Variants in IQGAP3 observed in about 807,000 individuals in gnomAD.
IQGAP3 encodes ras GTPase-activating-like protein IQGAP3.
A neutral mutation model predicts 208.2 loss-of-function variants in IQGAP3; 165 were observed. The observed-to-expected ratio is 0.79, with a 90% confidence interval of 0.70 to 0.90. The LOEUF (loss-of-function observed/expected upper bound fraction) is 0.90, where lower values mean the gene tolerates loss of function less well. Ranked by LOEUF, IQGAP3 falls within the 40% of genes least tolerant of loss-of-function variation. IQGAP3 has a pLI of 0.00. For synonymous variants in IQGAP3, 703 were observed against 803.6 expected (o/e 0.87, Z 2.12); for missense variants, 1,811 against 2,043.1 (o/e 0.89, Z 2.19).
At chr1:156,566,211 C>A (rs1276329345) in intron 3 of IQGAP3, 107 bp from the exon 4 acceptor site, 5 of 1,236,352 alleles carry the variant, frequency 4.0e-6, no homozygotes, top group Non-Finnish European at 5.9e-6. Context: ...CAGAGGGGAA[C>A]CAGAGGACCA....
intron 4 of IQGAP3, among the ~76,000 whole-genome samples, chr1:156,564,945 C>CA (rs1676334615): frequency 6.6e-6 from 1 of 152,154 alleles, no homozygotes; most frequent in Admixed American, 6.5e-5. Flanking sequence ...AACCAAACAC[C>CA]AGATAAGGCC....
chr1:156,539,618 A>G lies in IQGAP3; in HGVS notation c.2893-81T>C, dbSNP rs1674879701. The G allele has an allele frequency of 2.7e-6, 4 of 1,459,098 alleles. No homozygotes were observed. The Admixed American group carries it at 7.3e-5, about 27-fold the overall frequency. The allele number at this position is 1,459,098 out of a possible 1,614,324, so 90.4% of individuals were successfully genotyped here. A position where few individuals can be genotyped will look rare whatever the true frequency, so the allele number is the denominator to read the frequency against. Reference sequence around the variant, plus strand: ...TAGGATAAGGAAAGGCTTTCCCCTGATGGAAATCTGGAATGGAGAAAGCAC... The same window carrying G: ...TAGGATAAGGAAAGGCTTTCCCCTGGTGGAAATCTGGAATGGAGAAAGCAC... On this transcript the variant is annotated intron_variant, in intron 24 of 37. Coordinates refer to ENST00000361170, the MANE Select transcript of IQGAP3 (RefSeq NM_178229.5).
intron 26 of IQGAP3, 57 bp from the exon 27 acceptor site, chr1:156,537,378 C>A: frequency 6.6e-7 from 1 of 1,520,044 alleles, no homozygotes; most frequent in Non-Finnish European, 8.9e-7. Flanking sequence ...GCCTCCTTCC[C>A]CAAGGCCCTA....
In IQGAP3 at chr1:156,534,676, C is replaced by CAAT; in HGVS notation, c.3564_3565insATT (p.Asp1188_Ala1189insIle). 1 of 1,610,696 alleles carries CAAT rather than the reference C, an allele frequency of 6.2e-7. No individual in the cohort carries two copies. The highest frequency in any genetic ancestry group is 1.1e-5 in the South Asian group (1 of 90,734). On this transcript the variant is annotated inframe_insertion, in exon 29 of 38. Transcript: ENST00000361170. ...GCTGCCATGGCCACAATGTCGAAGG[C>CAAT]GTCAGGAGCCACCACAGCTGGGTTC...
intron 37 of IQGAP3, 25 bp from the exon 38 acceptor site, chr1:156,526,624 G>A: frequency 6.6e-7 from 1 of 1,508,632 alleles, no homozygotes; most frequent in Non-Finnish European, 9.2e-7. Flanking sequence ...GCAGGGAGGG[G>A]AGTTTAAGGG....
chr1:156,556,702 C>A lies in IQGAP3; in HGVS notation c.1130-9G>T. ...CTGCACAGCGTGGAGCACTGCAAGG[C>A]AGGAGAGCAACAGGTTGTACTGGCC... On this transcript the variant is annotated splice_polypyrimidine_tract_variant and intron_variant, in intron 11 of 37. Coordinates refer to ENST00000361170, the MANE Select transcript of IQGAP3 (RefSeq NM_178229.5). 1 of 1,539,910 alleles carries A rather than the reference C, an allele frequency of 6.5e-7. No individual in the cohort carries two copies. Among genetic ancestry groups the A allele is most frequent in the South Asian group, 1.2e-5 (1 of 82,378 alleles).
chr1:156,559,760 T>C (rs750446591), intron 11 of IQGAP3, among the ~76,000 whole-genome samples: 15 of 152,060 alleles, frequency 9.9e-5, no homozygotes, highest in Admixed American at 7.9e-4. Flanking sequence ...CTCGGCTGAA[T>C]TGGATGGAAT....
Position 156,528,902 on chromosome 1 carries a change from A to G in IQGAP3, c.4571+14T>C, listed in dbSNP as rs1674243608. On this transcript the variant is annotated intron_variant, in intron 35 of 37. Coordinates refer to ENST00000361170, the MANE Select transcript of IQGAP3 (RefSeq NM_178229.5). The stretch of plus-strand genomic sequence containing the variant: ...TCACTCGTAACCTTCCAAGTACGGG[A>G]AAGCAGCACCTACTTGGAGTCGGGG... 6 of 1,613,952 alleles carry G rather than the reference A, an allele frequency of 3.7e-6. No homozygotes were observed. The highest frequency in any genetic ancestry group is 5.1e-6 in the Non-Finnish European group (6 of 1,179,936).
chr1:156,569,283 T>G, intron 2 of IQGAP3, 93 bp downstream of exon 2: 1 of 779,784 alleles, frequency 1.3e-6, no homozygotes, highest in Admixed American at 2.3e-5. Flanking sequence ...GGATGGACTC[T>G]CGATCTGTTG....
intron 1 of IQGAP3, among the ~76,000 whole-genome samples, chr1:156,570,089 C>T (rs573973344): frequency 6.6e-6 from 1 of 152,340 alleles, no homozygotes; most frequent in South Asian, 2.1e-4. Flanking sequence ...CCTAATTAGA[C>T]TGAGTTCTCC....
In IQGAP3 at chr1:156,554,234, C is replaced by T. The variant is rs1286557451; in HGVS notation, c.1448+1G>A. 6.2e-7 allele frequency: 1 copy of T among 1,604,540 alleles called. No individual in the cohort carries two copies. Among genetic ancestry groups the T allele is most frequent in the East Asian group, 2.2e-5 (1 of 44,830 alleles). On this transcript the variant is annotated splice_donor_variant, in intron 13 of 37. Transcript: ENST00000361170. LOFTEE classifies it high-confidence loss of function. ...CCAATGTGTGGCTAAGCCTTTCTCA[C>T]CGCTGGGCATTTTCTCCTTCCACCT...
intron 27 of IQGAP3, chr1:156,536,851 AT>A (rs1370643762): frequency 5.2e-6 from 1 of 193,046 alleles, no homozygotes; most frequent in Non-Finnish European, 1.1e-5. Flanking sequence ...TAAAATATTT[AT>A]TTTTGATATT....
At chr1:156,548,847 C>A in intron 16 of IQGAP3, 99 bp from the exon 17 acceptor site, 3 of 1,209,336 alleles carry the variant, frequency 2.5e-6, no homozygotes, top group Admixed American at 2.9e-5. Context: ...AAAGAGGACA[C>A]AAAATCACCC....
chr1:156,565,776 C>A (rs1039266760), intron 4 of IQGAP3, among the ~76,000 whole-genome samples: 1 of 152,190 alleles, frequency 6.6e-6, no homozygotes, highest in Non-Finnish European at 1.5e-5. Context: ...CCTCCCACCC[C>A]CTGCATAATG....
At chr1:156,530,039 C>T (rs1674306289) in intron 34 of IQGAP3, 66 bp downstream of exon 34, 1 of 1,279,712 alleles carries the variant, frequency 7.8e-7, no homozygotes, top group Non-Finnish European at 1.1e-6. Flanking sequence ...TATGGATTAA[C>T]ATGTATATGC....
chr1:156,535,191 G>C lies in IQGAP3; in HGVS notation c.3479C>G (p.Pro1160Arg), dbSNP rs1262533620. ...ATAGACCTCGCTGTCTGTGGCGTCAGGGAATTTCTCTGCCAGAGTTGCCTT... is the reference window on the plus strand; with the variant it reads ...ATAGACCTCGCTGTCTGTGGCGTCACGGAATTTCTCTGCCAGAGTTGCCTT... Reference protein sequence around the residue: ...VLKATLAEKFPDATDSEVYKV... With the variant: ...VLKATLAEKFRDATDSEVYKV... Residue 1160 changes from proline (P) to arginine (R), a missense_variant, in exon 28 of 38, where the codon CCT becomes CGT. Transcript: ENST00000361170. 6.2e-7 allele frequency: 1 copy of C among 1,613,550 alleles called. No individual in the cohort carries two copies. The highest frequency in any genetic ancestry group is 1.1e-5 in the South Asian group (1 of 91,044).
At chr1:156,563,361 A>G in intron 7 of IQGAP3, 49 bp from the exon 8 acceptor site, 3 of 1,534,040 alleles carry the variant, frequency 2.0e-6, no homozygotes, top group Non-Finnish European at 2.6e-6. Context: ...TGAATCCCAG[A>G]TTGGAGCGCA....
intron 2 of IQGAP3, among the ~76,000 whole-genome samples, chr1:156,568,716 T>C (rs1676512877): frequency 1.3e-5 from 2 of 152,150 alleles, no homozygotes; most frequent in Non-Finnish European, 2.9e-5. Context: ...AAAGATGGGG[T>C]TTCGCCATGT....
In IQGAP3 at chr1:156,544,014, C is replaced by A; in HGVS notation, c.2497G>T (p.Ala833Ser). The A allele has an allele frequency of 6.2e-7, 1 of 1,614,162 alleles. No individual in the cohort carries two copies. Among genetic ancestry groups the A allele is most frequent in the Non-Finnish European group, 8.5e-7 (1 of 1,180,012 alleles). The change falls in exon 22 of 38, where the codon GCC becomes TCC. Residue 833 changes from alanine to serine, a missense_variant. Transcript: ENST00000361170. The stretch of plus-strand genomic sequence containing the variant: ...CTGTAGTCATCTTGGGCTTTCCTGG[C>A]TCGGAAAAATGCCTGGATCTTCACA... ...SIVKIQAFFR[A>S]RKAQDDYRIL...
Sources: allele counts gnomAD v4.1 joint callset (sites outside exome capture counted in the v4.1 genomes callset), GRCh38; gene constraint gnomAD v4.1.1; transcripts MANE v1.5; gene names NCBI Gene and HGNC (gene_info 2026-07-23, HGNC 2026-07-21).